The following USP32 variants were observed in gnomAD, a reference collection of about 807,000 sequenced individuals.
USP32 encodes ubiquitin carboxyl-terminal hydrolase 32.
USP32 carries 59 observed loss-of-function variants against 204.8 expected under a neutral mutation model. The observed-to-expected ratio is 0.29, with a 90% confidence interval of 0.23 to 0.36. The LOEUF (loss-of-function observed/expected upper bound fraction) is 0.36. Among genes scored for constraint, USP32 ranks in the 10% least tolerant of loss-of-function variants. The pLI, the probability that USP32 is intolerant of heterozygous loss-of-function variation, is 1.00. For missense variants in USP32, 1,160 were observed against 1,946.4 expected, an observed-to-expected ratio of 0.60 and a Z score of 7.60; for synonymous variants, 517 against 678.4, an observed-to-expected ratio of 0.76 and a Z score of 3.70.
intron 1 of USP32, among the ~76,000 whole-genome samples, chr17:60,385,767 G>A (rs1357598147): frequency 2.7e-5 from 4 of 149,066 alleles, no homozygotes; most frequent in Non-Finnish European, 5.9e-5. Flanking sequence ...GCTTGAACCC[G>A]GGAGGCAGAG....
chr17:60,330,936 A>T (rs2088366998), intron 2 of USP32, among the ~76,000 whole-genome samples: 1 of 152,198 alleles, frequency 6.6e-6, no homozygotes, highest in Admixed American at 6.5e-5. Flanking sequence ...TCAATGGTAG[A>T]ACATCACAAG....
chr17:60,264,481 C>G (rs1006757650), intron 9 of USP32, among the ~76,000 whole-genome samples: 38 of 151,684 alleles, frequency 2.5e-4, no homozygotes, highest in Admixed American at 9.2e-4. Context: ...CACCACTGCA[C>G]TCTAGCCTAG....
intron 2 of USP32, among the ~76,000 whole-genome samples, chr17:60,336,082 A>T (rs1202811464): frequency 7.0e-6 from 1 of 142,892 alleles, no homozygotes; most frequent in Non-Finnish European, 1.5e-5. Flanking sequence ...TATTTTCTGT[A>T]AGAGTGTTTT....
chr17:60,241,725 G>T (rs2085883894), intron 11 of USP32, among the ~76,000 whole-genome samples: 1 of 152,112 alleles, frequency 6.6e-6, no homozygotes, highest in Non-Finnish European at 1.5e-5. Flanking sequence ...TTTTCTTGAT[G>T]TCTTAATGTG....
intron 1 of USP32, among the ~76,000 whole-genome samples, chr17:60,418,807 C>T (rs933458956): frequency 6.6e-6 from 1 of 152,118 alleles, no homozygotes; most frequent in African/African-American, 2.4e-5. Flanking sequence ...ATCAAAACCA[C>T]AGTGAGATAC....
At chr17:60,227,263 CTTTTTTTCTTTT>C (rs1567783807) in intron 12 of USP32, among the ~76,000 whole-genome samples, 1 of 147,030 alleles carries the variant, frequency 6.8e-6, no homozygotes, top group African/African-American at 2.5e-5. Flanking sequence ...GTTTTCTTTT[CTTTTTTTCTTTT>C]TTTTTTTTTT....
chr17:60,418,835 AATG>A (rs2090083321), intron 1 of USP32, among the ~76,000 whole-genome samples: 1 of 152,226 alleles, frequency 6.6e-6, no homozygotes, highest in South Asian at 2.1e-4. Flanking sequence ...CACCAGTCAG[AATG>A]ATGATGATTA....
chr17:60,338,139 C>T (rs1217515137), intron 2 of USP32, among the ~76,000 whole-genome samples: 1 of 151,798 alleles, frequency 6.6e-6, no homozygotes, highest in African/African-American at 2.4e-5. Flanking sequence ...GCCTGGGCAA[C>T]ATGGCGAAAC....
At chr17:60,410,166 A>G (rs2090007087) in intron 1 of USP32, among the ~76,000 whole-genome samples, 1 of 152,142 alleles carries the variant, frequency 6.6e-6, no homozygotes, top group Admixed American at 6.5e-5. Flanking sequence ...TGTTTGAGGT[A>G]TTTTCCAGAC....
At chr17:60,287,721 T>G (rs754145986) in intron 5 of USP32, among the ~76,000 whole-genome samples, 1 of 152,156 alleles carries the variant, frequency 6.6e-6, no homozygotes, top group Non-Finnish European at 1.5e-5. Context: ...CCTAGGAAAC[T>G]AATATAGCTT....
chr17:60,215,963 G>A (rs1355082520), intron 16 of USP32, among the ~76,000 whole-genome samples: 2 of 152,066 alleles, frequency 1.3e-5, no homozygotes, highest in African/African-American at 4.8e-5. Context: ...GCCCCCCAAA[G>A]TTCTGGGATT....
At chr17:60,369,422 C>T (rs553398826) in intron 1 of USP32, among the ~76,000 whole-genome samples, 1 of 109,230 alleles carries the variant, frequency 9.2e-6, no homozygotes, top group Admixed American at 8.5e-5. Context: ...AGACCCCTAC[C>T]TAAAAAAAAA....
intron 27 of USP32, among the ~76,000 whole-genome samples, chr17:60,196,148 T>C (rs758081225): frequency 2.0e-5 from 3 of 151,796 alleles, no homozygotes; most frequent in Non-Finnish European, 4.4e-5. Flanking sequence ...GCACCTGTAC[T>C]CCCAGCTACT....
At chr17:60,356,996 T>C (rs1043441697) in intron 1 of USP32, among the ~76,000 whole-genome samples, 1 of 152,118 alleles carries the variant, frequency 6.6e-6, no homozygotes, top group Non-Finnish European at 1.5e-5. Context: ...AGAAACCAAT[T>C]AGCAATTCTG....
chr17:60,419,793 A>G (rs8065972), intron 1 of USP32, among the ~76,000 whole-genome samples: 25,073 of 148,374 alleles, frequency 0.17, 4,915 homozygotes, highest in African/African-American at 0.48. Flanking sequence ...CTATATAACA[A>G]ACCTGCAACT....
chr17:60,350,706 A>G (rs1344461000), intron 1 of USP32, among the ~76,000 whole-genome samples: 2 of 152,174 alleles, frequency 1.3e-5, no homozygotes, highest in African/African-American at 2.4e-5. Context: ...CTCTCCCTCT[A>G]TCCCTCTCTC....
intron 11 of USP32, among the ~76,000 whole-genome samples, chr17:60,245,011 T>C (rs2085977770): frequency 6.6e-6 from 1 of 152,244 alleles, no homozygotes; most frequent in Non-Finnish European, 1.5e-5. Context: ...AACTAAAACA[T>C]AGAAACTTTG....
rs199558407 is a variant in USP32, at chr17:60,198,489, C to G, written c.3250-45G>C. The G allele has an allele frequency of 5.6e-6, 9 of 1,601,418 alleles. No homozygotes were observed. In the East Asian group the frequency reaches 1.3e-4, roughly 24 times the overall value. On this transcript the variant is annotated intron_variant, in intron 26 of 33. Coordinates refer to ENST00000300896, the MANE Select transcript of USP32 (RefSeq NM_032582.4). ...AATAGAGAGTTCAGAAGACAGGCCTCTGATTCCTCCCTTTAGTTCTTCTAA... is the reference window on the plus strand; with the variant it reads ...AATAGAGAGTTCAGAAGACAGGCCTGTGATTCCTCCCTTTAGTTCTTCTAA...
intron 1 of USP32, among the ~76,000 whole-genome samples, chr17:60,349,075 G>A (rs2088857795): frequency 6.6e-6 from 1 of 151,378 alleles, no homozygotes; most frequent in South Asian, 2.1e-4. Flanking sequence ...TCTAGTGGAG[G>A]AGACAAGAAA....
Sources: gnomAD v4.1 joint callset for allele counts (sites outside exome capture counted in the v4.1 genomes callset) on GRCh38, gnomAD v4.1.1 for gene constraint, MANE v1.5 for transcripts, NCBI Gene and HGNC (gene_info 2026-07-23, HGNC 2026-07-21) for gene names.